SLC26A1: variants seen among roughly 807,000 people sequenced by gnomAD.
SLC26A1 encodes the protein sulfate anion transporter 1.
Under a neutral mutation model 14.5 loss-of-function variants are expected in SLC26A1, and 18 were observed. The observed-to-expected ratio is 1.24, with a 90% confidence interval of 0.86 to 1.84. The LOEUF is 1.84. SLC26A1 is among the 40% of genes most tolerant of loss of function. The pLI, the probability that SLC26A1 is intolerant of heterozygous loss-of-function variation, is 0.00. For missense variants in SLC26A1, 1,049 were observed against 1,020.0 expected, an observed-to-expected ratio of 1.03 and a Z score of -0.39; for synonymous variants, 505 against 492.0, an observed-to-expected ratio of 1.03 and a Z score of -0.35.
At chr4:983,087 C>A (rs1422222959), downstream of SLC26A1, among the ~76,000 whole-genome samples, 1 of 152,264 alleles carries the variant, frequency 6.6e-6, no homozygotes, top group African/African-American at 2.4e-5. Flanking sequence ...TCCCATACAG[C>A]ACCTGTGCCA....
intron 1 of SLC26A1, chr4:992,149 C>T (rs925968733): frequency 2.1e-5 from 10 of 473,120 alleles, no homozygotes; most frequent in East Asian, 6.4e-5. Context: ...ATGTGCCTAC[C>T]GTCAGAATGT....
chr4:982,192 C>T (rs1400749253), intron 2 of SLC26A1, among the ~76,000 whole-genome samples: 1 of 152,226 alleles, frequency 6.6e-6, no homozygotes, highest in Non-Finnish European at 1.5e-5. Context: ...CTGTCACAGA[C>T]CCTGAGCCTC....
At chr4:984,983 T>C (rs1337120972), downstream of SLC26A1, among the ~76,000 whole-genome samples, 1 of 152,200 alleles carries the variant, frequency 6.6e-6, no homozygotes, top group Middle Eastern at 3.2e-3. Flanking sequence ...TGTTTTTGTT[T>C]TGTTTTACCT....
downstream of SLC26A1, chr4:987,338 C>A (rs1477842105): frequency 2.4e-5 from 29 of 1,222,200 alleles, no homozygotes; most frequent in East Asian, 5.2e-4. Context: ...GACCGGAGCT[C>A]CCTCCTCTGG....
At chr4:987,571 T>C, downstream of SLC26A1, 1 of 1,351,866 alleles carries the variant, frequency 7.4e-7, no homozygotes, top group Non-Finnish European at 9.8e-7. Flanking sequence ...GGTACCCGCC[T>C]TCCTGGCAGG....
chr4:989,779 G>A lies in SLC26A1; in HGVS notation c.1160C>T (p.Pro387Leu), dbSNP rs1224725950. Residue 387 changes from proline (P) to leucine (L), a missense_variant, in exon 3 of 3, where the codon CCC (proline) becomes CTC (leucine). Pro to Leu is a moderately conservative substitution (Grantham distance 98, BLOSUM62 -3). Coordinates refer to ENST00000398516, the MANE Select transcript of SLC26A1 (RefSeq NM_022042.4). ...GGTGGCGAAGCAGTGGAGGAAGGCG[G>A]GTAGCACGTTGCAGCAGCCCACAGC... ...LLAVGCCNVL[P>L]AFLHCFATSA... The A allele has an allele frequency of 1.3e-6, 2 of 1,566,704 alleles. No individual in the cohort carries two copies. Among genetic ancestry groups the A allele is most frequent in the African/African-American group, 1.4e-5 (1 of 74,014 alleles).
intron 2 of SLC26A1, among the ~76,000 whole-genome samples, chr4:979,861 TAGCTTCCAG>T (rs1713486170): frequency 1.3e-5 from 2 of 152,258 alleles, no homozygotes; most frequent in South Asian, 4.1e-4. Flanking sequence ...TGGCCCCTTC[TAGCTTCCAG>T]AGCTGATTTC....
chr4:990,514 A>T, intron 2 of SLC26A1, 152 bp from the exon 3 acceptor site: 2 of 742,336 alleles, frequency 2.7e-6, no homozygotes, highest in Non-Finnish European at 4.3e-6. Context: ...GACTCCTCAC[A>T]CGGGCCTGAG....
At position 991,288 on chromosome 4, in the gene SLC26A1, C is replaced by T. The variant is rs148314592; in HGVS notation, c.416G>A (p.Arg139Gln). The T allele has an allele frequency of 1.2e-5, 19 of 1,612,580 alleles. No homozygotes were observed. The highest frequency in any genetic ancestry group is 6.7e-5 in the Admixed American group (4 of 59,998). Residue 139 changes from arginine (R) to glutamine (Q), a missense_variant, in exon 2 of 3, where the codon CGG becomes CAG. Arg to Gln is a conservative substitution (Grantham distance 43, BLOSUM62 1). Coordinates refer to ENST00000398516, the MANE Select transcript of SLC26A1 (RefSeq NM_022042.4). Reference protein sequence around the residue: ...LCLMVGQVVDRELQLAGFDPS... With the variant: ...LCLMVGQVVDQELQLAGFDPS... ...GTCAAAGCCGGCCAGCTGGAGCTCC[C>T]GGTCCACCACCTGCCCCACCATGAG... is the stretch of plus-strand genomic sequence containing the variant.
intron 1 of SLC26A1, 42 bp downstream of exon 1, chr4:993,259 C>T (rs1054196765): frequency 6.6e-6 from 1 of 152,366 alleles, no homozygotes; most frequent in Non-Finnish European, 1.5e-5. Flanking sequence ...TCCCACGCCC[C>T]CCTCTGCTGC....
chr4:989,778 G>T lies in SLC26A1; in HGVS notation c.1161C>A (p.Pro387=). Residue 387 remains proline, a synonymous_variant, in exon 3 of 3, where the codon CCC becomes CCA. Coordinates refer to ENST00000398516, the MANE Select transcript of SLC26A1 (RefSeq NM_022042.4). ...TGGTGGCGAAGCAGTGGAGGAAGGC[G>T]GGTAGCACGTTGCAGCAGCCCACAG... ...LLAVGCCNVL[P]AFLHCFATSA... is the part of the protein sequence containing the mutation. 6.4e-7 allele frequency: 1 copy of T among 1,566,506 alleles called. No homozygotes were observed. Among genetic ancestry groups the T allele is most frequent in the East Asian group, 2.4e-5 (1 of 42,274 alleles).
chr4:988,623 G>T lies in SLC26A1; in HGVS notation c.*210C>A, dbSNP rs1187346453. 1 of 1,379,226 alleles carries T rather than the reference G, an allele frequency of 7.3e-7. No homozygotes were observed. The highest frequency in any genetic ancestry group is 3.4e-5 in the Admixed American group (1 of 29,052). The allele number at this position is 1,379,226 out of a possible 1,614,324, so 85.4% of individuals were successfully genotyped here. On this transcript the variant is annotated 3_prime_UTR_variant, in exon 3 of 3. Coordinates refer to ENST00000398516, the MANE Select transcript of SLC26A1 (RefSeq NM_022042.4). Reference sequence around the variant, plus strand: ...TGTGGGCCAGCCTGTCTCGGAGGCAGAGGTTCTTGATTTCTGAGTGTTTGG... The same window carrying T: ...TGTGGGCCAGCCTGTCTCGGAGGCATAGGTTCTTGATTTCTGAGTGTTTGG...
chr4:982,020 C>A (rs577044175), intron 2 of SLC26A1, among the ~76,000 whole-genome samples: 10 of 152,190 alleles, frequency 6.6e-5, no homozygotes, highest in Admixed American at 2.6e-4. Flanking sequence ...GAGTTTTCAC[C>A]GTGTTAGCCA....
At position 987,806 on chromosome 4, in the gene SLC26A1, C is replaced by T. The variant is rs780178663; in HGVS notation, c.*1027G>A. 7.4e-6 allele frequency: 12 copies of T among 1,612,244 alleles called. No individual in the cohort carries two copies. The highest frequency in any genetic ancestry group is 1.1e-5 in the South Asian group (1 of 91,042). ...GACTGAGCCGCCCCTTTGTTGTCCCCAGCCCCCCGCTGCCACACAGCCAGG... is the reference window on the plus strand; with the variant it reads ...GACTGAGCCGCCCCTTTGTTGTCCCTAGCCCCCCGCTGCCACACAGCCAGG... On this transcript the variant is annotated 3_prime_UTR_variant, in exon 3 of 3. Transcript: ENST00000398516.
intron 2 of SLC26A1, among the ~76,000 whole-genome samples, chr4:982,433 A>T (rs2153014064): frequency 6.6e-6 from 1 of 152,134 alleles, no homozygotes; most frequent in South Asian, 2.1e-4. Flanking sequence ...GCCCTGTGGG[A>T]CCCTCTGAGC....
Position 989,505 on chromosome 4 carries a change from C to T in SLC26A1, c.1434G>A (p.Ala478=), listed in dbSNP as rs552004248. 30 of 1,553,226 alleles carry T rather than the reference C, an allele frequency of 1.9e-5. No homozygotes were observed. Among genetic ancestry groups the T allele is most frequent in the Admixed American group, 7.8e-5 (4 of 51,530 alleles). Reference sequence around the variant, plus strand: ...CTGTGCTGACCAGCATACAGGTGGCCGCGGTGCCTGCCCAGACCAGCGCGT... The same window carrying T: ...CTGTGCTGACCAGCATACAGGTGGCTGCGGTGCCTGCCCAGACCAGCGCGT... ...PADALVWAGT[A]ATCMLVSTEA... The change falls in exon 3 of 3, where the codon GCG becomes GCA. Residue 478 remains alanine (A), a synonymous_variant. Coordinates refer to ENST00000398516, the MANE Select transcript of SLC26A1 (RefSeq NM_022042.4).
chr4:992,458 C>G (rs1714440484), intron 1 of SLC26A1, among the ~76,000 whole-genome samples: 1 of 152,228 alleles, frequency 6.6e-6, no homozygotes, highest in Non-Finnish European at 1.5e-5. Flanking sequence ...AGACACTAGC[C>G]TAGCCCATCC....
intron 2 of SLC26A1, chr4:990,768 G>C (rs990831800): frequency 2.6e-6 from 1 of 388,240 alleles, no homozygotes; most frequent in Non-Finnish European, 4.7e-6. Context: ...CAAGGCAGGA[G>C]ACCTTCGGGG....
downstream of SLC26A1, chr4:986,932 C>T: frequency 4.1e-6 from 3 of 735,114 alleles, no homozygotes; most frequent in Admixed American, 4.1e-5. Context: ...CGAGGCTCCC[C>T]GAGGCCACCC....
Sources: gnomAD v4.1 joint callset for allele counts (sites outside exome capture counted in the v4.1 genomes callset) on GRCh38, gnomAD v4.1.1 for gene constraint, MANE v1.5 for transcripts, NCBI Gene and HGNC (gene_info 2026-07-23, HGNC 2026-07-21) for gene names.